The following CDH12 variants were observed in gnomAD, a reference collection of about 807,000 sequenced individuals.
The protein encoded by CDH12 is cadherin-12.
Under a neutral mutation model 74.1 loss-of-function variants are expected in CDH12, and 41 were observed. The observed-to-expected ratio is 0.55, with a 90% CI of 0.43 to 0.72. The LOEUF (loss-of-function observed/expected upper bound fraction) is 0.72. Ranked by LOEUF, CDH12 falls within the 30% of genes least tolerant of loss-of-function variation. The pLI, the probability that CDH12 is intolerant of heterozygous loss-of-function variation, is 0.00. For synonymous variants in CDH12, 399 were observed against 355.0 expected (o/e 1.12, Z -1.39); for missense variants, 945 against 977.2 (o/e 0.97, Z 0.44).
intron 3 of CDH12, among the ~76,000 whole-genome samples, chr5:22,252,373 G>A (rs771496433): frequency 2.0e-5 from 3 of 150,244 alleles, no homozygotes; most frequent in Admixed American, 1.3e-4. Context: ...ATGGATGCCA[G>A]TTATGTTCCA....
chr5:22,483,757 T>C (rs1165517067), intron 2 of CDH12, among the ~76,000 whole-genome samples: 1 of 93,062 alleles, frequency 1.1e-5, no homozygotes, highest in African/African-American at 4.2e-5. Flanking sequence ...ACTATATATA[T>C]ATATATAAAT....
Position 22,185,449 on chromosome 5 carries a change from T to C in CDH12, c.-187+27049A>G, listed in dbSNP as rs572240259. ...CACATATCAAGGCATGTTACAAAAC[T>C]ATTTATGCAGAAATGGCACACGTGA... is the stretch of plus-strand genomic sequence containing the variant. On this transcript the variant is annotated intron_variant, in intron 4 of 14. Coordinates refer to ENST00000382254, the MANE Select transcript of CDH12 (RefSeq NM_004061.5). Among the ~76,000 whole-genome samples, 85 of 152,286 alleles carry C rather than the reference T, an allele frequency of 5.6e-4. 2 individuals are homozygous for C. The highest frequency in any genetic ancestry group is 1.9e-3 in the African/African-American group (79 of 41,562).
At chr5:21,895,113 C>G (rs1383573785) in intron 6 of CDH12, among the ~76,000 whole-genome samples, 1 of 151,736 alleles carries the variant, frequency 6.6e-6, no homozygotes, top group East Asian at 1.9e-4. Flanking sequence ...CAGCTGCGCT[C>G]ACTATAAAGG....
At chr5:22,421,943 G>A (rs1743671072) in intron 2 of CDH12, among the ~76,000 whole-genome samples, 2 of 152,216 alleles carry the variant, frequency 1.3e-5, no homozygotes, top group Non-Finnish European at 2.9e-5. Flanking sequence ...GACCAGTGAT[G>A]ATGAGCTTTT....
intron 11 of CDH12, chr5:21,774,545 A>G (rs1330352245): frequency 6.6e-6 from 1 of 152,152 alleles, no homozygotes; most frequent in Non-Finnish European, 1.5e-5. Context: ...CTTTTCATAC[A>G]TTCATCTATC....
intron 1 of CDH12, among the ~76,000 whole-genome samples, chr5:22,760,080 G>A (rs1020855745): frequency 1.6e-4 from 25 of 152,292 alleles, no homozygotes; most frequent in African/African-American, 5.5e-4. Flanking sequence ...AAATATCTGG[G>A]ATGTGGTCTA....
At chr5:22,648,040 G>T (rs1167741425) in intron 1 of CDH12, among the ~76,000 whole-genome samples, 1 of 151,772 alleles carries the variant, frequency 6.6e-6, no homozygotes, top group Non-Finnish European at 1.5e-5. Flanking sequence ...AAATATTTGT[G>T]AATTGCCAGT....
chr5:21,793,076 T>C (rs1746593489), intron 10 of CDH12, among the ~76,000 whole-genome samples: 5 of 151,702 alleles, frequency 3.3e-5, no homozygotes, highest in African/African-American at 9.7e-5. Flanking sequence ...ATTTCAATTT[T>C]TTTTCCTCCC....
intron 9 of CDH12, among the ~76,000 whole-genome samples, chr5:21,807,435 G>T (rs1747493018): frequency 6.6e-6 from 1 of 152,064 alleles, no homozygotes; most frequent in Admixed American, 6.6e-5. Context: ...TCTGTGCAAT[G>T]GGCAGGAAGA....
At chr5:22,726,081 C>A (rs955070986) in intron 1 of CDH12, among the ~76,000 whole-genome samples, 2 of 151,548 alleles carry the variant, frequency 1.3e-5, no homozygotes, top group African/African-American at 4.8e-5. Flanking sequence ...TATATTAAGG[C>A]CCCTTCTTGT....
chr5:22,306,924 G>A lies in CDH12; in HGVS notation c.-332-94281C>T, dbSNP rs371031472. ...GGAAAATATCATTCCTTAATGTAAA[G>A]TTTCTGTGAGTGTTTTATTAAGCTG... On this transcript the variant is annotated intron_variant, in intron 3 of 14. Coordinates refer to ENST00000382254, the MANE Select transcript of CDH12 (RefSeq NM_004061.5). Among the ~76,000 whole-genome samples, 7 of 152,200 alleles carry A rather than the reference G, an allele frequency of 4.6e-5. No homozygotes were observed. The East Asian group carries it at 1.4e-3, about 29-fold the overall frequency.
At chr5:22,128,867 A>T (rs1746025189) in intron 4 of CDH12, among the ~76,000 whole-genome samples, 1 of 152,212 alleles carries the variant, frequency 6.6e-6, no homozygotes, top group East Asian at 1.9e-4. Flanking sequence ...TTTGCATGTC[A>T]TGATTCTTAC....
intron 1 of CDH12, among the ~76,000 whole-genome samples, chr5:22,531,974 G>A (rs1737605003): frequency 6.6e-6 from 1 of 152,116 alleles, no homozygotes. Flanking sequence ...GGCTGGGATG[G>A]CATTCTGAGA....
intron 1 of CDH12, among the ~76,000 whole-genome samples, chr5:22,509,359 A>C (rs1199692578): frequency 6.6e-6 from 1 of 152,200 alleles, no homozygotes; most frequent in Non-Finnish European, 1.5e-5. Context: ...AAATCTCATA[A>C]AAGTTTTTAA....
In CDH12 at chr5:22,798,245, C is replaced by T. The variant is rs117156521; in HGVS notation, c.-523+54813G>A. On this transcript the variant is annotated intron_variant, in intron 1 of 14. Coordinates refer to ENST00000382254, the MANE Select transcript of CDH12 (RefSeq NM_004061.5). Reference sequence around the variant, plus strand: ...TATCAATTTGTCTATCCTGACTTCTCATTTCCTCTGAGGTTTATGACCTGA... The same window carrying T: ...TATCAATTTGTCTATCCTGACTTCTTATTTCCTCTGAGGTTTATGACCTGA... Among the ~76,000 whole-genome samples the T allele has an allele frequency of 3.1e-3, 477 of 152,200 alleles. 11 individuals are homozygous for T. In the East Asian group the frequency reaches 0.055, roughly 18 times the overall value.
At chr5:21,997,997 A>G (rs1736394713) in intron 5 of CDH12, among the ~76,000 whole-genome samples, 1 of 152,106 alleles carries the variant, frequency 6.6e-6, no homozygotes, top group South Asian at 2.1e-4. Context: ...TGAAAAGAAG[A>G]GAGATTTTTT....
intron 4 of CDH12, among the ~76,000 whole-genome samples, chr5:22,200,380 G>T (rs1750861584): frequency 6.6e-6 from 1 of 152,106 alleles, no homozygotes; most frequent in African/African-American, 2.4e-5. Context: ...TAAGAGTGGT[G>T]CTTTTGAAGA....
chr5:22,392,104 C>T (rs541757418), intron 3 of CDH12, among the ~76,000 whole-genome samples: 96 of 152,282 alleles, frequency 6.3e-4, no homozygotes, highest in African/African-American at 2.3e-3. Flanking sequence ...CTGTCCTACC[C>T]CTTCCTTTGG....
At chr5:22,529,361 A>G (rs1737478759) in intron 1 of CDH12, among the ~76,000 whole-genome samples, 1 of 151,880 alleles carries the variant, frequency 6.6e-6, no homozygotes, top group African/African-American at 2.4e-5. Context: ...CTAAGCCCTG[A>G]GAATTGGGAG....
Sources: allele counts gnomAD v4.1 joint callset (sites outside exome capture counted in the v4.1 genomes callset), GRCh38; gene constraint gnomAD v4.1.1; transcripts MANE v1.5; gene names NCBI Gene and HGNC (gene_info 2026-07-23, HGNC 2026-07-21).